The following FSTL5 variants were observed in gnomAD, a reference collection of about 807,000 sequenced individuals.
FSTL5 encodes follistatin like 5.
A neutral mutation model predicts 89.1 loss-of-function variants in FSTL5; 62 were observed. That is an observed-to-expected ratio of 0.70 (90% CI 0.57 to 0.86). FSTL5 has a LOEUF of 0.86. Ranked by LOEUF, FSTL5 falls within the 40% of genes least tolerant of loss-of-function variation. FSTL5 has a pLI of 0.00. For synonymous variants in FSTL5, 383 were observed against 346.2 expected, an observed-to-expected ratio of 1.11 and a Z score of -1.18; for missense variants, 1,057 against 1,001.6, an observed-to-expected ratio of 1.06 and a Z score of -0.75.
At chr4:162,067,036 T>A (rs928714771) in intron 2 of FSTL5, among the ~76,000 whole-genome samples, 1 of 151,780 alleles carries the variant, frequency 6.6e-6, no homozygotes, top group African/African-American at 2.4e-5. Flanking sequence ...ACTAAGTCCT[T>A]TGTTTGTTTG....
intron 2 of FSTL5, among the ~76,000 whole-genome samples, chr4:162,071,884 C>A (rs1449961832): frequency 6.6e-6 from 1 of 151,732 alleles, no homozygotes; most frequent in African/African-American, 2.4e-5. Context: ...AATTAAACAA[C>A]ATGCTCCTTA....
chr4:161,455,125 T>C lies in FSTL5; in HGVS notation c.1720A>G (p.Ile574Val). ...GGCACATTCCCACTGGCCAGGGTAATTACCTAAAGAGAACACACCTTGGTT... is the reference window on the plus strand; with the variant it reads ...GGCACATTCCCACTGGCCAGGGTAACTACCTAAAGAGAACACACCTTGGTT... ...LEKTSPTLQV[I>V]TLASGNVPHH... The change falls in exon 15 of 16, where the codon ATT (isoleucine) becomes GTT (valine). Residue 574 changes from isoleucine (I) to valine (V), a missense_variant. Around this residue, in one of 3 missense-constraint regions of FSTL5, gnomAD observed 980 missense variants for 903.2 expected, o/e 1.08. Coordinates refer to ENST00000306100, the MANE Select transcript of FSTL5 (RefSeq NM_020116.5). 6.2e-7 allele frequency: 1 copy of C among 1,603,996 alleles called. No homozygotes were observed. Among genetic ancestry groups the C allele is most frequent in the Non-Finnish European group, 8.5e-7 (1 of 1,176,130 alleles).
At chr4:162,094,154 C>G (rs996567089) in intron 2 of FSTL5, among the ~76,000 whole-genome samples, 1 of 151,906 alleles carries the variant, frequency 6.6e-6, no homozygotes. Context: ...TTTGGGAGGC[C>G]GAGGGAGGCA....
intron 7 of FSTL5, among the ~76,000 whole-genome samples, chr4:161,603,087 A>G (rs1179384099): frequency 6.6e-6 from 1 of 152,120 alleles, no homozygotes; most frequent in Non-Finnish European, 1.5e-5. Flanking sequence ...AGATGAGAGG[A>G]AGTATTTGAG....
chr4:161,564,942 T>C (rs545962532), intron 8 of FSTL5, among the ~76,000 whole-genome samples: 14 of 152,058 alleles, frequency 9.2e-5, no homozygotes, highest in Admixed American at 2.6e-4. Context: ...TCACAAATGA[T>C]ATATTTTCTA....
At chr4:161,860,537 A>AGTTG (rs1272809416) in intron 4 of FSTL5, among the ~76,000 whole-genome samples, 3 of 152,192 alleles carry the variant, frequency 2.0e-5, no homozygotes, top group Admixed American at 2.0e-4. Flanking sequence ...ACTGAAAGCA[A>AGTTG]GTTGCTGAAT....
At chr4:161,987,611 T>C (rs1424652329) in intron 3 of FSTL5, among the ~76,000 whole-genome samples, 1 of 147,624 alleles carries the variant, frequency 6.8e-6, no homozygotes, top group East Asian at 1.9e-4. Flanking sequence ...ATGAAATATA[T>C]ATAATAAATG....
chr4:161,749,823 ATAATAATAAAAATAATAGGCTCTGGG>A (rs895142192), intron 6 of FSTL5, among the ~76,000 whole-genome samples: 1 of 151,224 alleles, frequency 6.6e-6, no homozygotes, highest in Admixed American at 6.6e-5. Context: ...AAATAAATAA[ATAATAATAAAAATAATAGGCTCTGGG>A]GACTCCAAAA....
chr4:161,795,283 G>C (rs1729600396), intron 4 of FSTL5, among the ~76,000 whole-genome samples: 1 of 151,968 alleles, frequency 6.6e-6, no homozygotes, highest in Admixed American at 6.6e-5. Context: ...AATTCTTGTT[G>C]TATCTCCCCC....
chr4:161,420,782 T>A (rs2126311510), intron 15 of FSTL5, among the ~76,000 whole-genome samples: 1 of 150,688 alleles, frequency 6.6e-6, no homozygotes, highest in East Asian at 1.9e-4. Flanking sequence ...CATATATATT[T>A]TCATGTATTG....
At chr4:161,650,484 C>G (rs895142761) in intron 7 of FSTL5, among the ~76,000 whole-genome samples, 6 of 151,946 alleles carry the variant, frequency 3.9e-5, no homozygotes, top group African/African-American at 1.5e-4. Flanking sequence ...GTCTAGCAAC[C>G]CTACCTGTAG....
At chr4:161,538,971 G>T (rs1193451630) in intron 9 of FSTL5, among the ~76,000 whole-genome samples, 1 of 152,086 alleles carries the variant, frequency 6.6e-6, no homozygotes, top group East Asian at 1.9e-4. Flanking sequence ...CACCATGTTT[G>T]CCAGGCTGGT....
chr4:161,654,091 G>C (rs1374739381), intron 7 of FSTL5, among the ~76,000 whole-genome samples: 1 of 152,004 alleles, frequency 6.6e-6, no homozygotes, highest in African/African-American at 2.4e-5. Flanking sequence ...ATATTTTAGA[G>C]ACCTGACATA....
intron 14 of FSTL5, among the ~76,000 whole-genome samples, chr4:161,456,517 A>G (rs1733359099): frequency 6.6e-6 from 1 of 152,368 alleles, no homozygotes; most frequent in Admixed American, 6.5e-5. Context: ...CCTTGAGAAC[A>G]TGCTTCAGCA....
chr4:161,972,145 T>G (rs879750763), intron 3 of FSTL5, among the ~76,000 whole-genome samples: 2 of 152,024 alleles, frequency 1.3e-5, no homozygotes, highest in Non-Finnish European at 2.9e-5. Context: ...CAGGCTGGAG[T>G]GCAGTGGTGG....
chr4:161,993,876 A>T (rs564496253), intron 3 of FSTL5, among the ~76,000 whole-genome samples: 25 of 152,278 alleles, frequency 1.6e-4, no homozygotes, highest in Non-Finnish European at 3.2e-4. Flanking sequence ...GACAATTTTC[A>T]CAGGAACATT....
intron 4 of FSTL5, among the ~76,000 whole-genome samples, chr4:161,776,856 G>A (rs9685651): frequency 0.21 from 31,797 of 151,628 alleles, 6,133 homozygotes; most frequent in African/African-American, 0.51. Context: ...AACATTTATG[G>A]TTTCTTTAGG....
intron 10 of FSTL5, among the ~76,000 whole-genome samples, chr4:161,524,473 G>A (rs1731142708): frequency 6.6e-6 from 1 of 152,050 alleles, no homozygotes; most frequent in Non-Finnish European, 1.5e-5. Context: ...ATATTTTACA[G>A]AGTTTGACTC....
intron 1 of FSTL5, among the ~76,000 whole-genome samples, chr4:162,153,828 G>A (rs887110639): frequency 9.8e-5 from 14 of 142,280 alleles, no homozygotes; most frequent in African/African-American, 2.9e-4. Context: ...TATTTTAGAC[G>A]GACTTTCACT....
Sources: gnomAD v4.1 joint callset for allele counts (sites outside exome capture counted in the v4.1 genomes callset) on GRCh38, gnomAD v4.1.1 for gene constraint, gnomAD v4.1.1 regional missense constraint, MANE v1.5 for transcripts, NCBI Gene and HGNC (gene_info 2026-07-23, HGNC 2026-07-21) for gene names.